The following CA10 variants were observed in gnomAD, a reference collection of about 807,000 sequenced individuals.
The protein encoded by CA10 is carbonic anhydrase-related protein 10.
Under a neutral mutation model 44.2 loss-of-function variants are expected in CA10, and 14 were observed. The observed-to-expected ratio is 0.32, with a 90% confidence interval of 0.21 to 0.50. The LOEUF is 0.50. Among genes scored for constraint, CA10 ranks in the 20% least tolerant of loss-of-function variants. The pLI is 0.99. For synonymous variants in CA10, 159 were observed against 141.6 expected (o/e 1.12, Z -0.87); for missense variants, 350 against 409.7 (o/e 0.85, Z 1.26).
At chr17:51,961,479 A>G (rs1229512780) in intron 2 of CA10, among the ~76,000 whole-genome samples, 1 of 152,128 alleles carries the variant, frequency 6.6e-6, no homozygotes, top group African/African-American at 2.4e-5. Context: ...AATAAATGAA[A>G]TTTAAAATAG....
chr17:51,724,940 G>C (rs1426309674), intron 4 of CA10, among the ~76,000 whole-genome samples: 2 of 152,228 alleles, frequency 1.3e-5, no homozygotes, highest in African/African-American at 4.8e-5. Flanking sequence ...TTTCACTGTT[G>C]AGTGCCTACA....
chr17:52,052,538 C>A (rs1168491346), intron 2 of CA10, among the ~76,000 whole-genome samples: 3 of 151,968 alleles, frequency 2.0e-5, no homozygotes, highest in Non-Finnish European at 4.4e-5. Context: ...GAAATGAATA[C>A]ATAACAACTT....
intron 1 of CA10, among the ~76,000 whole-genome samples, chr17:52,137,366 T>A (rs563342964): frequency 3.9e-5 from 6 of 152,212 alleles, no homozygotes; most frequent in Non-Finnish European, 8.8e-5. Context: ...CACACAGGAA[T>A]CACTCAATAA....
intron 3 of CA10, among the ~76,000 whole-genome samples, chr17:51,874,004 T>A (rs7211131): frequency 0.12 from 17,603 of 152,258 alleles, 1,381 homozygotes; most frequent in South Asian, 0.3. Context: ...TAAATCTGAG[T>A]TCCTTTTCTT....
At chr17:51,680,771 T>G (rs1338775288) in intron 4 of CA10, among the ~76,000 whole-genome samples, 3 of 152,174 alleles carry the variant, frequency 2.0e-5, no homozygotes, top group East Asian at 3.9e-4. Context: ...TGAGGACTCT[T>G]CTGTGGTGTA....
intron 4 of CA10, among the ~76,000 whole-genome samples, chr17:51,698,891 G>C (rs1375648475): frequency 6.6e-6 from 1 of 152,110 alleles, no homozygotes; most frequent in Non-Finnish European, 1.5e-5. Flanking sequence ...GATTTCCTTT[G>C]TTTTTAAGGC....
chr17:51,829,242 T>A (rs1908140870), intron 3 of CA10, among the ~76,000 whole-genome samples: 1 of 152,226 alleles, frequency 6.6e-6, no homozygotes, highest in South Asian at 2.1e-4. Context: ...GTGTCTGGAA[T>A]CCTCTAAGCA....
chr17:52,109,643 A>G (rs1208240701), intron 1 of CA10, among the ~76,000 whole-genome samples: 1 of 152,224 alleles, frequency 6.6e-6, no homozygotes, highest in Non-Finnish European at 1.5e-5. Context: ...AAATTAATAG[A>G]GAGGGAGTTT....
At chr17:51,755,594 G>T (rs1463194899) in intron 3 of CA10, among the ~76,000 whole-genome samples, 1 of 152,138 alleles carries the variant, frequency 6.6e-6, no homozygotes, top group Non-Finnish European at 1.5e-5. Context: ...GTAGCTGAGA[G>T]GAAATAGAAT....
At chr17:51,959,566 G>T (rs933847450) in intron 2 of CA10, among the ~76,000 whole-genome samples, 3 of 151,840 alleles carry the variant, frequency 2.0e-5, no homozygotes, top group Non-Finnish European at 4.4e-5. Flanking sequence ...ACTAATTGGC[G>T]CATGCATTGA....
chr17:51,855,178 G>T lies in CA10; in HGVS notation c.279+75812C>A, dbSNP rs145561781. Among the ~76,000 whole-genome samples the T allele has an allele frequency of 5.6e-4, 86 of 152,242 alleles. 1 individual carries two copies. Among genetic ancestry groups the T allele is most frequent in the Middle Eastern group, 3.4e-3 (1 of 294 alleles). ...CTTTGGTTTTCTTATCTATAAAATG[G>T]AGGATAACGCCAGCTTGAAGAGTTA... On this transcript the variant is annotated intron_variant, in intron 3 of 8. Transcript: ENST00000451037.
At chr17:52,152,076 C>T (rs1989713601) in intron 1 of CA10, among the ~76,000 whole-genome samples, 1 of 152,022 alleles carries the variant, frequency 6.6e-6, no homozygotes, top group South Asian at 2.1e-4. Context: ...GATGAGCAAG[C>T]TGAGACCCTA....
Position 51,849,233 on chromosome 17 carries a change from G to GTATATATATATATATATA in CA10, c.279+81739_279+81756dup, listed in dbSNP as rs1217693250. Among the ~76,000 whole-genome samples, 14 of 39,886 alleles carry GTATATATATATATATATA rather than the reference G, an allele frequency of 3.5e-4. 1 individual carries two copies. Among genetic ancestry groups the GTATATATATATATATATA allele is most frequent in the Non-Finnish European group, 6.5e-4 (11 of 16,996 alleles). 26.2% of individuals were successfully genotyped at this position (39,886 alleles called of 152,430 possible). ...TATATATATATACATATATGTGTGT[G>GTATATATATATATATATA]TATATATATATATATATATATATAT... On this transcript the variant is annotated intron_variant, in intron 3 of 8. Coordinates refer to ENST00000451037, the MANE Select transcript of CA10 (RefSeq NM_020178.5).
At chr17:51,947,372 T>G (rs1983323440) in intron 2 of CA10, among the ~76,000 whole-genome samples, 1 of 152,048 alleles carries the variant, frequency 6.6e-6, no homozygotes, top group African/African-American at 2.4e-5. Context: ...TTCACATACC[T>G]GAGGTTTGTA....
At chr17:51,879,468 A>G (rs1024867102) in intron 3 of CA10, among the ~76,000 whole-genome samples, 1 of 152,210 alleles carries the variant, frequency 6.6e-6, no homozygotes, top group Admixed American at 6.5e-5. Context: ...TCCCCATTCA[A>G]GACAGTGGAG....
chr17:51,676,215 A>G (rs765335829), intron 4 of CA10, among the ~76,000 whole-genome samples: 7 of 152,188 alleles, frequency 4.6e-5, no homozygotes, highest in Non-Finnish European at 7.3e-5. Flanking sequence ...GTTTTCCTAT[A>G]TTTTAAAGTT....
intron 4 of CA10, among the ~76,000 whole-genome samples, chr17:51,725,577 C>T (rs1349501783): frequency 6.6e-6 from 1 of 152,142 alleles, no homozygotes; most frequent in African/African-American, 2.4e-5. Context: ...AGGGAGGTAC[C>T]CAGTGGCCAC....
chr17:51,640,903 T>C (rs1913052367), intron 6 of CA10, among the ~76,000 whole-genome samples: 1 of 152,132 alleles, frequency 6.6e-6, no homozygotes, highest in African/African-American at 2.4e-5. Flanking sequence ...TTCTCCTCTC[T>C]AAACTTCCAA....
At chr17:51,858,737 C>A (rs1979165623) in intron 3 of CA10, among the ~76,000 whole-genome samples, 1 of 152,296 alleles carries the variant, frequency 6.6e-6, no homozygotes, top group South Asian at 2.1e-4. Flanking sequence ...ATGGCTAGCA[C>A]ATTTGTGCAA....
Sources: allele counts gnomAD v4.1 joint callset (sites outside exome capture counted in the v4.1 genomes callset), GRCh38; gene constraint gnomAD v4.1.1; transcripts MANE v1.5; gene names NCBI Gene and HGNC (gene_info 2026-07-23, HGNC 2026-07-21).